The following WWP2 variants were observed in gnomAD, a reference collection of about 807,000 sequenced individuals.
WWP2 encodes the protein NEDD4-like E3 ubiquitin-protein ligase WWP2.
Under a neutral mutation model 121.0 loss-of-function variants are expected in WWP2, and 57 were observed. The observed-to-expected ratio is 0.47, with a 90% CI of 0.38 to 0.59. The LOEUF is 0.59. WWP2 is among the 20% of genes least tolerant of loss of function. The pLI is 0.00. For missense variants in WWP2, 962 were observed against 1,158.9 expected, an observed-to-expected ratio of 0.83 and a Z score of 2.47; for synonymous variants, 449 against 441.3, an observed-to-expected ratio of 1.02 and a Z score of -0.22.
At chr16:69,899,918 C>G (rs1047338465) in intron 8 of WWP2, among the ~76,000 whole-genome samples, 1 of 151,950 alleles carries the variant, frequency 6.6e-6, no homozygotes, top group African/African-American at 2.4e-5. Flanking sequence ...TTACTTTAAA[C>G]TTGCCTTTTC....
intron 2 of WWP2, among the ~76,000 whole-genome samples, chr16:69,796,068 C>T (rs75639409): frequency 0.059 from 8,894 of 150,324 alleles, 859 homozygotes; most frequent in African/African-American, 0.2. Context: ...TGGCAAAATA[C>T]GAATAAAGTC....
At position 69,799,852 on chromosome 16, in the gene WWP2, C is replaced by T. The variant is rs1350105906; in HGVS notation, c.340+557C>T. On this transcript the variant is annotated intron_variant, in intron 4 of 23. Coordinates refer to ENST00000359154, the MANE Select transcript of WWP2 (RefSeq NM_001270454.2). The surrounding 1 kb of genome is among the most constrained non-coding windows in gnomAD (Gnocchi z 4.5). The stretch of plus-strand genomic sequence containing the variant: ...AATTAGCCAACGTGCCTCTACGTCA[C>T]GGACATATAAATCCTCATCTATTTA... Among the ~76,000 whole-genome samples, 2 of 152,146 alleles carry T rather than the reference C, an allele frequency of 1.3e-5. No individual in the cohort carries two copies. The highest frequency in any genetic ancestry group is 1.9e-4 in the East Asian group (1 of 5,194).
intron 9 of WWP2, chr16:69,917,490 C>G (rs2058494205): frequency 2.1e-6 from 1 of 480,976 alleles, no homozygotes; most frequent in Non-Finnish European, 3.7e-6. Context: ...GTCAGCTTCC[C>G]CAGAACCACA....
intron 4 of WWP2, among the ~76,000 whole-genome samples, chr16:69,835,377 T>C (rs1228862425): frequency 6.6e-6 from 1 of 152,234 alleles, no homozygotes; most frequent in Non-Finnish European, 1.5e-5. Context: ...TTATGTATTA[T>C]AGGGTTCCTC....
In WWP2 at chr16:69,879,312, G is replaced by A. The variant is rs192097803; in HGVS notation, c.703+7381G>A. 2.2e-3 allele frequency among the ~76,000 whole-genome samples: 332 copies of A among 152,220 alleles called. 2 individuals are homozygous for A. Among genetic ancestry groups the A allele is most frequent in the South Asian group, 5.6e-3 (27 of 4,824 alleles). On this transcript the variant is annotated intron_variant, in intron 7 of 23. Transcript: ENST00000359154. ...ATGTTGGGTAACTATAACCACCAGT[G>A]TCCATTTCCAGAACTTTTTCATCAT... is the stretch of plus-strand genomic sequence containing the variant.
At chr16:69,898,906 G>A (rs2058152583) in intron 8 of WWP2, among the ~76,000 whole-genome samples, 3 of 152,006 alleles carry the variant, frequency 2.0e-5, no homozygotes, top group African/African-American at 7.2e-5. Context: ...AATTCACCAT[G>A]TTGGTCAGGC....
At position 69,939,350 on chromosome 16, in the gene WWP2, G is replaced by T; in HGVS notation, c.2450G>T (p.Gly817Val). 1.2e-6 allele frequency: 2 copies of T among 1,614,190 alleles called. No homozygotes were observed. Among genetic ancestry groups the T allele is most frequent in the South Asian group, 1.1e-5 (1 of 91,076 alleles). The change falls in exon 23 of 24, where the codon GGA becomes GTA. Residue 817 changes from glycine to valine, a missense_variant. This residue lies in a region of WWP2 where 606 missense variants were observed against 772.6 expected (regional missense o/e 0.78). Coordinates refer to ENST00000359154, the MANE Select transcript of WWP2 (RefSeq NM_001270454.2). ...TTACCTTGGATCACAGGTAGCAACG[G>T]ACCACAGAAGTTTTGCATTGACAAA... ...GGFAELIGSN[G>V]PQKFCIDKVG...
chr16:69,864,771 G>T (rs1029618792), intron 6 of WWP2, among the ~76,000 whole-genome samples: 1 of 151,624 alleles, frequency 6.6e-6, no homozygotes, highest in Non-Finnish European at 1.5e-5. Context: ...ACCCAGGCTG[G>T]AGTGCAATGG....
intron 8 of WWP2, among the ~76,000 whole-genome samples, chr16:69,895,946 A>G (rs1234348118): frequency 2.0e-5 from 3 of 151,962 alleles, no homozygotes; most frequent in African/African-American, 7.3e-5. Flanking sequence ...CTCTGCAGGG[A>G]TTGTTACATG....
intron 4 of WWP2, among the ~76,000 whole-genome samples, chr16:69,822,965 C>T (rs1443776549): frequency 6.6e-6 from 1 of 152,222 alleles, no homozygotes; most frequent in South Asian, 2.1e-4. Context: ...GACAAAGCTC[C>T]ATCTTTACTA....
chr16:69,784,693 C>T (rs2055743908), intron 1 of WWP2, among the ~76,000 whole-genome samples: 1 of 152,172 alleles, frequency 6.6e-6, no homozygotes, highest in South Asian at 2.1e-4. Flanking sequence ...TCCAAAAGCT[C>T]TTCTGCCGCC....
At chr16:69,931,979 A>T in intron 16 of WWP2, 89 bp downstream of exon 16, 1 of 1,254,580 alleles carries the variant, frequency 8.0e-7, no homozygotes, top group Non-Finnish European at 1.1e-6. Context: ...CCCCCTGCTC[A>T]CATTCCCTCC....
At chr16:69,863,366 G>A (rs1282650047) in intron 6 of WWP2, among the ~76,000 whole-genome samples, 4 of 152,192 alleles carry the variant, frequency 2.6e-5, no homozygotes, top group Admixed American at 1.3e-4. Context: ...AAGGCTGGGC[G>A]TGATGGCTCA....
chr16:69,769,495 G>T (rs2055369040), intron 1 of WWP2, among the ~76,000 whole-genome samples: 4 of 152,010 alleles, frequency 2.6e-5, no homozygotes, highest in Admixed American at 2.6e-4. Flanking sequence ...TGTAATTTCT[G>T]CTTTTCCCTG....
rs2055812166 is a variant in WWP2 at position 69,787,202 on chromosome 16, C to G, written c.70+122C>G. On this transcript the variant is annotated intron_variant, in intron 2 of 23. Coordinates refer to ENST00000359154, the MANE Select transcript of WWP2 (RefSeq NM_001270454.2). ...AGTTTACATGTGTTAATTATTTATTCTCATGGGATTGTCATCTTGTAGCTG... is the reference window on the plus strand; with the variant it reads ...AGTTTACATGTGTTAATTATTTATTGTCATGGGATTGTCATCTTGTAGCTG... The G allele has an allele frequency of 9.8e-6, 6 of 613,980 alleles. 1 individual carries two copies. The South Asian group carries it at 1.9e-4, about 19-fold the overall frequency. 38.0% of individuals were successfully genotyped at this position (613,980 alleles called of 1,614,324 possible).
At chr16:69,936,508 T>A (rs1188633540) in intron 19 of WWP2, 56 bp downstream of exon 19, 24 of 1,605,752 alleles carry the variant, frequency 1.5e-5, no homozygotes, top group Non-Finnish European at 2.0e-5. Context: ...ATCTAGTGGG[T>A]TGCAGAGAAA....
intron 6 of WWP2, among the ~76,000 whole-genome samples, chr16:69,861,635 C>T (rs1331932506): frequency 7.4e-6 from 1 of 135,558 alleles, no homozygotes; most frequent in Non-Finnish European, 1.5e-5. Context: ...CTCCTTTTAC[C>T]CGCCCTCTCC....
chr16:69,778,980 C>T (rs944362008), intron 1 of WWP2, among the ~76,000 whole-genome samples: 8 of 150,300 alleles, frequency 5.3e-5, no homozygotes, highest in African/African-American at 1.5e-4. Flanking sequence ...GATGGAGTCT[C>T]GCTCTGTTGC....
Position 69,842,046 on chromosome 16 carries a change from C to T in WWP2, c.501C>T (p.Asp167=). The T allele has an allele frequency of 6.2e-7, 1 of 1,613,380 alleles. No individual in the cohort carries two copies. Among genetic ancestry groups the T allele is most frequent in the South Asian group, 1.1e-5 (1 of 90,962 alleles). Residue 167 remains aspartate (D), a synonymous_variant, in exon 6 of 24, where the codon GAC becomes GAT. Coordinates refer to ENST00000359154, the MANE Select transcript of WWP2 (RefSeq NM_001270454.2). The stretch of plus-strand genomic sequence containing the variant: ...TAGGATCACAGCTGCCTTCGAGAGA[C>T]TCCAGTGGAACAGCAGTAGCTCCAG... ...LTDGSQLPSR[D]SSGTAVAPEN...
Sources: allele counts gnomAD v4.1 joint callset (sites outside exome capture counted in the v4.1 genomes callset), GRCh38; gene constraint gnomAD v4.1.1; regional missense constraint gnomAD v4.1.1; non-coding constraint Gnocchi (gnomAD v3.1); transcripts MANE v1.5; gene names NCBI Gene and HGNC (gene_info 2026-07-23, HGNC 2026-07-21).